Variants in ALOX5 observed in about 807,000 individuals in gnomAD.
ALOX5 encodes polyunsaturated fatty acid 5-lipoxygenase.
In ALOX5, 64 loss-of-function variants were observed where a neutral mutation model predicts 87.9. The ratio of observed to expected loss-of-function variants is 0.73; its 90% CI spans 0.60 to 0.90. The LOEUF (loss-of-function observed/expected upper bound fraction) is 0.90. ALOX5 is among the 40% of genes least tolerant of loss of function. ALOX5 has a pLI of 0.00. For synonymous variants in ALOX5, 388 were observed against 355.1 expected (o/e 1.09, Z -1.04); for missense variants, 822 against 907.5 (o/e 0.91, Z 1.21).
intron 1 of ALOX5, among the ~76,000 whole-genome samples, chr10:45,376,876 C>T (rs1418178552): frequency 6.6e-6 from 1 of 152,212 alleles, no homozygotes; most frequent in Non-Finnish European, 1.5e-5. Context: ...TCCTTGGCTC[C>T]TCACTGTCTG....
In ALOX5 at chr10:45,441,424, T is replaced by G. The variant is rs1842231304; in HGVS notation, c.1266T>G (p.Phe422Leu). 1 of 1,613,306 alleles carries G rather than the reference T, an allele frequency of 6.2e-7. No individual in the cohort carries two copies. ...AGCTCATCTGCGAGTGTGGCCTCTT[T>G]GACAAGGTGGGTGCCCTCCTACCCT... ...REQLICECGL[F>L]DKANATGGGG... Residue 422 changes from phenylalanine to leucine, a missense_variant, in exon 9 of 14, where the codon TTT becomes TTG. Transcript: ENST00000374391.
intron 3 of ALOX5, among the ~76,000 whole-genome samples, chr10:45,411,976 C>G (rs1372838952): frequency 5.3e-5 from 8 of 152,214 alleles, no homozygotes; most frequent in South Asian, 4.1e-4. Flanking sequence ...GGTTCCCACT[C>G]TGATGCTCAG....
intron 2 of ALOX5, among the ~76,000 whole-genome samples, chr10:45,395,232 T>C (rs1840452867): frequency 6.6e-6 from 1 of 152,118 alleles, no homozygotes. Flanking sequence ...ATAGACTGAA[T>C]TAAGAAAATG....
In ALOX5 at chr10:45,394,259, A is replaced by G. The variant is rs548544019; in HGVS notation, c.350-1596A>G. ...ATGGTACTGGTACCAAAACAGAGAT[A>G]TAGACCAATGGAACAGAACAGAGCC... On this transcript the variant is annotated intron_variant, in intron 2 of 13. Transcript: ENST00000374391. Among the ~76,000 whole-genome samples the G allele has an allele frequency of 2.2e-3, 330 of 152,350 alleles. 1 individual carries two copies. Among genetic ancestry groups the G allele is most frequent in the African/African-American group, 7.5e-3 (312 of 41,578 alleles).
chr10:45,382,384 G>T (rs960490870), intron 1 of ALOX5, 99 bp from the exon 2 acceptor site: 2 of 1,268,180 alleles, frequency 1.6e-6, no homozygotes, highest in African/African-American at 2.9e-5. Context: ...CGTAGTCCCT[G>T]TGCCACAGCA....
intron 8 of ALOX5, 50 bp downstream of exon 8, chr10:45,440,683 G>T: frequency 1.3e-6 from 2 of 1,581,912 alleles, no homozygotes; most frequent in East Asian, 4.5e-5. Context: ...CTGAGATGTG[G>T]AGTGGGAGGG....
intron 4 of ALOX5, among the ~76,000 whole-genome samples, chr10:45,414,961 G>A (rs1394093333): frequency 3.9e-5 from 6 of 152,144 alleles, no homozygotes; most frequent in South Asian, 2.1e-4. Context: ...ATGTGGAGAA[G>A]TAGGAACACT....
At position 45,374,344 on chromosome 10, in the gene ALOX5, TCTACC is replaced by T; in HGVS notation, c.66_70del (p.Tyr23GlnfsTer55). 1 of 1,538,796 alleles carries T rather than the reference TCTACC, an allele frequency of 6.5e-7. No individual in the cohort carries two copies. Among genetic ancestry groups the T allele is most frequent in the Non-Finnish European group, 8.7e-7 (1 of 1,144,536 alleles). On this transcript the variant is annotated frameshift_variant, in exon 1 of 14. Coordinates refer to ENST00000374391, the MANE Select transcript of ALOX5 (RefSeq NM_000698.5). LOFTEE classifies it high-confidence loss of function. ...TGGTTCGCCGGCACTGACGACTACATCTACCTCAGCCTCGTGGGCTCGGCGGGCTG... is the reference window on the plus strand; with the variant it reads ...TGGTTCGCCGGCACTGACGACTACATTCAGCCTCGTGGGCTCGGCGGGCTG...
chr10:45,389,157 G>A (rs1380487082), intron 2 of ALOX5, among the ~76,000 whole-genome samples: 1 of 152,170 alleles, frequency 6.6e-6, no homozygotes, highest in Non-Finnish European at 1.5e-5. Context: ...AGAATAAAAA[G>A]AAATGAACGA....
chr10:45,435,277 A>G (rs1341512193), intron 7 of ALOX5, among the ~76,000 whole-genome samples: 1 of 150,610 alleles, frequency 6.6e-6, no homozygotes, highest in African/African-American at 2.4e-5. Context: ...TTTTTTTTTA[A>G]TATATAAAAT....
At chr10:45,379,048 C>T (rs541005067) in intron 1 of ALOX5, among the ~76,000 whole-genome samples, 2 of 152,188 alleles carry the variant, frequency 1.3e-5, no homozygotes, top group African/African-American at 4.8e-5. Context: ...GCTGGAGGGT[C>T]ACCCCACTGT....
chr10:45,412,126 C>A, intron 3 of ALOX5, 65 bp from the exon 4 acceptor site: 1 of 1,607,636 alleles, frequency 6.2e-7, no homozygotes, highest in South Asian at 1.1e-5. Flanking sequence ...GTGGGCGGCC[C>A]TCAGCTGAGG....
At chr10:45,441,019 TTTC>T (rs1253048590) in intron 8 of ALOX5, among the ~76,000 whole-genome samples, 1 of 152,164 alleles carries the variant, frequency 6.6e-6, no homozygotes, top group East Asian at 1.9e-4. Flanking sequence ...TGTGCCTCAG[TTTC>T]CTCACCAGTA....
chr10:45,386,799 C>T (rs774455223), intron 2 of ALOX5, among the ~76,000 whole-genome samples: 7 of 152,158 alleles, frequency 4.6e-5, no homozygotes, highest in Non-Finnish European at 8.8e-5. Context: ...GCTGCGTTCA[C>T]AGGCTTGGCC....
At chr10:45,443,277 G>C in intron 10 of ALOX5, 61 bp downstream of exon 10, 1 of 1,587,790 alleles carries the variant, frequency 6.3e-7, no homozygotes, top group African/African-American at 1.3e-5. Flanking sequence ...TGACTACCTG[G>C]GGCGGGCCTG....
chr10:45,414,314 C>T (rs1841185777), intron 4 of ALOX5, among the ~76,000 whole-genome samples: 1 of 152,110 alleles, frequency 6.6e-6, no homozygotes, highest in Non-Finnish European at 1.5e-5. Context: ...CTTTGACAAA[C>T]CTGACAAAAA....
Position 45,445,875 on chromosome 10 carries a change from C to A in ALOX5, c.*188C>A, listed in dbSNP as rs1035384522. ...ATCAAAGTGTAAACACCATAGGGAC[C>A]CATTCTACACAGAGCAGGACTGCAC... On this transcript the variant is annotated 3_prime_UTR_variant, in exon 14 of 14. Coordinates refer to ENST00000374391, the MANE Select transcript of ALOX5 (RefSeq NM_000698.5). The A allele has an allele frequency of 3.1e-6, 2 of 650,086 alleles. No individual in the cohort carries two copies. The highest frequency in any genetic ancestry group is 3.7e-5 in the African/African-American group (2 of 54,742). The allele number at this position is 650,086 out of a possible 1,614,324, so 40.3% of individuals were successfully genotyped here.
chr10:45,392,948 G>C (rs1393336783), intron 2 of ALOX5, among the ~76,000 whole-genome samples: 1 of 152,182 alleles, frequency 6.6e-6, no homozygotes, highest in African/African-American at 2.4e-5. Flanking sequence ...CTCTGAAATT[G>C]AGGCAATAAT....
Position 45,374,238 on chromosome 10 carries a change from G to A in ALOX5, c.-42G>A. 6.9e-7 allele frequency: 1 copy of A among 1,445,334 alleles called. No homozygotes were observed. The highest frequency in any genetic ancestry group is 9.1e-7 in the Non-Finnish European group (1 of 1,099,294). The allele number at this position is 1,445,334 out of a possible 1,614,324, so 89.5% of individuals were successfully genotyped here. A position where few individuals can be genotyped will look rare whatever the true frequency, so the allele number is the denominator to read the frequency against. On this transcript the variant is annotated 5_prime_UTR_variant, in exon 1 of 14. Transcript: ENST00000374391. ...GCTAGATGCGGACACCTGGACCGCC[G>A]CGCCGAGGCTCCCGGCGCTCGCTGC... is the stretch of plus-strand genomic sequence containing the variant.
Sources: allele counts gnomAD v4.1 joint callset (sites outside exome capture counted in the v4.1 genomes callset), GRCh38; gene constraint gnomAD v4.1.1; transcripts MANE v1.5; gene names NCBI Gene and HGNC (gene_info 2026-07-23, HGNC 2026-07-21).